The following BUB1 variants were observed in gnomAD, a reference collection of about 807,000 sequenced individuals.
The protein encoded by BUB1 is BUB1 mitotic checkpoint serine/threonine kinase, also known as mitotic checkpoint serine/threonine-protein kinase BUB1.
In BUB1, 84 loss-of-function variants were observed where a neutral mutation model predicts 135.2. The observed-to-expected ratio is 0.62, with a 90% confidence interval of 0.52 to 0.74. The LOEUF is 0.74. Ranked by LOEUF, BUB1 falls within the 30% of genes least tolerant of loss-of-function variation. The pLI is 0.00. For missense variants in BUB1, 1,162 were observed against 1,288.3 expected, an observed-to-expected ratio of 0.90 and a Z score of 1.50; for synonymous variants, 403 against 434.4, an observed-to-expected ratio of 0.93 and a Z score of 0.90.
intron 9 of BUB1, among the ~76,000 whole-genome samples, chr2:110,663,217 T>C (rs1574329294): frequency 6.6e-6 from 1 of 151,402 alleles, no homozygotes; most frequent in Non-Finnish European, 1.5e-5. Context: ...GAAGCGGAGG[T>C]TGCAGTGAGC....
chr2:110,647,550 TATG>T (rs1689674458), intron 19 of BUB1, among the ~76,000 whole-genome samples: 1 of 151,902 alleles, frequency 6.6e-6, no homozygotes, highest in Non-Finnish European at 1.5e-5. Flanking sequence ...AACACCCACT[TATG>T]ATTAAAAAAA....
intron 15 of BUB1, among the ~76,000 whole-genome samples, chr2:110,656,586 A>G (rs1689940519): frequency 1.3e-5 from 2 of 152,200 alleles, no homozygotes; most frequent in Admixed American, 6.5e-5. Flanking sequence ...TCATTACATC[A>G]TATTAGGGGA....
chr2:110,640,788 T>G (rs774964173), intron 23 of BUB1, among the ~76,000 whole-genome samples: 1 of 152,218 alleles, frequency 6.6e-6, no homozygotes, highest in Non-Finnish European at 1.5e-5. Context: ...CTCTTCCCTA[T>G]GATCAAACTC....
chr2:110,661,921 A>G, intron 9 of BUB1, 80 bp from the exon 10 acceptor site: 1 of 1,506,856 alleles, frequency 6.6e-7, no homozygotes, highest in Non-Finnish European at 9.0e-7. Context: ...CATCTTCTCA[A>G]AGCATGGCAT....
chr2:110,674,330 T>C lies in BUB1; in HGVS notation c.62A>G (p.Asn21Ser), dbSNP rs376803252. 3.3e-5 allele frequency: 53 copies of C among 1,614,086 alleles called. No individual in the cohort carries two copies. Among genetic ancestry groups the C allele is most frequent in the Middle Eastern group, 1.6e-4 (1 of 6,062 alleles). ...LEAHMQSYKG[N>S]DPLGEWERYI... ...CCTTTCCCATTCACCAAGAGGGTCATTGCCCTTGTAGCTCTGCATGTGGGC... is the reference window on the plus strand; with the variant it reads ...CCTTTCCCATTCACCAAGAGGGTCACTGCCCTTGTAGCTCTGCATGTGGGC... The change falls in exon 2 of 25, where the codon AAT becomes AGT. Residue 21 changes from asparagine to serine, a missense_variant. Coordinates refer to ENST00000302759, the MANE Select transcript of BUB1 (RefSeq NM_004336.5).
chr2:110,677,863 G>GGAAGGGGGC (rs1690634941), intron 1 of BUB1, 107 bp downstream of exon 1: 1 of 1,362,020 alleles, frequency 7.3e-7, no homozygotes, highest in Admixed American at 2.5e-5. Flanking sequence ...TCCAAACCCA[G>GGAAGGGGGC]GAAGGGGGCG....
intron 9 of BUB1, among the ~76,000 whole-genome samples, chr2:110,664,989 G>A (rs921996759): frequency 7.2e-5 from 11 of 152,152 alleles, no homozygotes; most frequent in East Asian, 1.9e-4. Flanking sequence ...TGCACAGTCC[G>A]AAGTTTATAG....
At chr2:110,645,435 C>G (rs1010867202) in intron 19 of BUB1, among the ~76,000 whole-genome samples, 15 of 149,538 alleles carry the variant, frequency 1.0e-4, no homozygotes, top group Non-Finnish European at 2.1e-4. Flanking sequence ...GAGCGAGACT[C>G]CTTCTCAAAA....
In BUB1 at chr2:110,637,894, A is replaced by T; in HGVS notation, c.*70T>A. On this transcript the variant is annotated 3_prime_UTR_variant, in exon 25 of 25. Coordinates refer to ENST00000302759, the MANE Select transcript of BUB1 (RefSeq NM_004336.5). ...ACATTTACATAAACAATAAATGAAA[A>T]AAAAACAGGTTTAAAGTGAGCAGAT... 9.0e-7 allele frequency: 1 copy of T among 1,106,600 alleles called. No homozygotes were observed. Among genetic ancestry groups the T allele is most frequent in the Non-Finnish European group, 1.2e-6 (1 of 822,808 alleles). The allele number at this position is 1,106,600 out of a possible 1,614,324, so 68.5% of individuals were successfully genotyped here. A position where few individuals can be genotyped will look rare whatever the true frequency, so the allele number is the denominator to read the frequency against.
At chr2:110,657,257 T>C (rs1169923348) in intron 14 of BUB1, 140 bp from the exon 15 acceptor site, 1 of 678,036 alleles carries the variant, frequency 1.5e-6, no homozygotes, top group Non-Finnish European at 2.4e-6. Flanking sequence ...TTTATAGCAG[T>C]TCTAGCAAAA....
At chr2:110,659,768 A>T (rs945957787) in intron 11 of BUB1, among the ~76,000 whole-genome samples, 21 of 152,240 alleles carry the variant, frequency 1.4e-4, no homozygotes, top group Non-Finnish European at 2.9e-4. Flanking sequence ...TTACATTTCC[A>T]AAGAATGTTA....
chr2:110,674,508 G>A, intron 1 of BUB1, 143 bp from the exon 2 acceptor site: 2 of 678,534 alleles, frequency 2.9e-6, no homozygotes, highest in East Asian at 2.8e-5. Context: ...CCATTTATAT[G>A]CATTAAAATG....
rs199514553 is a variant in BUB1 at position 110,640,371 on chromosome 2, A to G, written c.2956-523T>C. ...CCACCAAATCTTTGCCCCTTTTACCATGGGCTCCTGGAAAGACATAGCTCT... is the reference window on the plus strand; with the variant it reads ...CCACCAAATCTTTGCCCCTTTTACCGTGGGCTCCTGGAAAGACATAGCTCT... On this transcript the variant is annotated intron_variant, in intron 23 of 24. Coordinates refer to ENST00000302759, the MANE Select transcript of BUB1 (RefSeq NM_004336.5). Among the ~76,000 whole-genome samples, 234 of 150,186 alleles carry G rather than the reference A, an allele frequency of 1.6e-3. 3 individuals carry two copies. The highest frequency in any genetic ancestry group is 0.014 in the South Asian group (68 of 4,750).
At chr2:110,659,882 A>G (rs541409138) in intron 11 of BUB1, 96 bp downstream of exon 11, 2 of 903,246 alleles carry the variant, frequency 2.2e-6, no homozygotes, top group Admixed American at 2.3e-5. Flanking sequence ...AGGTTCATTA[A>G]GGCCTGAAGC....
intron 1 of BUB1, chr2:110,675,013 C>G (rs1474846828): frequency 6.5e-6 from 1 of 153,182 alleles, no homozygotes; most frequent in Non-Finnish European, 1.5e-5. Flanking sequence ...CAGAGTACCA[C>G]AAAGTAGAGT....
chr2:110,666,029 AATAT>A (rs751448237), intron 9 of BUB1: 376 of 372,924 alleles, frequency 1.0e-3, no homozygotes, highest in Non-Finnish European at 1.5e-3. Flanking sequence ...TAAATACATG[AATAT>A]ATAGACATGT....
rs1689762988 is a variant in BUB1 at position 110,650,726 on chromosome 2, A to C, written c.2023T>G (p.Leu675Val). 1 of 1,614,080 alleles carries C rather than the reference A, an allele frequency of 6.2e-7. No homozygotes were observed. The highest frequency in any genetic ancestry group is 1.3e-5 in the African/African-American group (1 of 75,048). The part of the protein sequence containing the change: ...ALSSHMYSAS[L>V]LRLSQPAAGG... Reference sequence around the variant, plus strand: ...GCAGCAGGCTGGCTCAGACGAAGTAAGGATGCTGAATACATGTGAGACGAC... The same window carrying C: ...GCAGCAGGCTGGCTCAGACGAAGTACGGATGCTGAATACATGTGAGACGAC... Residue 675 changes from leucine to valine, a missense_variant, in exon 18 of 25, where the codon TTA becomes GTA. By Grantham distance (32) the Leu-to-Val change is conservative (BLOSUM62 1). Coordinates refer to ENST00000302759, the MANE Select transcript of BUB1 (RefSeq NM_004336.5).
chr2:110,658,605 ATACTT>A lies in BUB1; in HGVS notation c.1405+4_1405+8del. 6.2e-7 allele frequency: 1 copy of A among 1,614,210 alleles called. No individual in the cohort carries two copies. The highest frequency in any genetic ancestry group is 8.5e-7 in the Non-Finnish European group (1 of 1,180,016). On this transcript the variant is annotated splice_donor_5th_base_variant and intron_variant, in intron 12 of 24. Transcript: ENST00000302759. ...ATCAGGTGCTACACACTCAGATAAA[ATACTT>A]TACCTAATGCTTCTTTTGTGTGCAC...
intron 19 of BUB1, 128 bp downstream of exon 19, chr2:110,649,106 G>A: frequency 1.2e-6 from 1 of 845,384 alleles, no homozygotes; most frequent in Non-Finnish European, 1.8e-6. Flanking sequence ...TAGTATTACA[G>A]ATACAACTCC....
Sources: allele counts gnomAD v4.1 joint callset (sites outside exome capture counted in the v4.1 genomes callset), GRCh38; gene constraint gnomAD v4.1.1; transcripts MANE v1.5; gene names NCBI Gene and HGNC (gene_info 2026-07-23, HGNC 2026-07-21).